MYO18B: variants seen among roughly 807,000 people sequenced by gnomAD.
MYO18B encodes the protein myosin XVIIIB.
MYO18B carries 204 observed loss-of-function variants against 273.0 expected under a neutral mutation model. That is an observed-to-expected ratio of 0.75 (90% CI 0.67 to 0.84). MYO18B has a LOEUF of 0.84. MYO18B is among the 40% of genes least tolerant of loss of function. The pLI is 0.00. For synonymous variants in MYO18B, 1,330 were observed against 1,305.7 expected (o/e 1.02, Z -0.40); for missense variants, 3,212 against 3,287.6 (o/e 0.98, Z 0.56).
chr22:26,034,831 C>T (rs1344710986), downstream of MYO18B, among the ~76,000 whole-genome samples: 1 of 152,160 alleles, frequency 6.6e-6, no homozygotes, highest in Admixed American at 6.5e-5. Context: ...AGTGAGTTTT[C>T]CAAAGGCACT....
At chr22:26,003,355 C>A in intron 41 of MYO18B, 46 bp downstream of exon 41, 1 of 1,543,658 alleles carries the variant, frequency 6.5e-7, no homozygotes, top group East Asian at 2.3e-5. Context: ...AGGGTGAGCC[C>A]CTGGCTCTCT....
the MYO18B span, among the ~76,000 whole-genome samples, chr22:26,059,427 G>A: frequency 6.6e-6 from 1 of 152,204 alleles, no homozygotes; most frequent in African/African-American, 2.4e-5. Flanking sequence ...GCCAGGATAA[G>A]CATTTCCACT....
chr22:25,879,946 C>T (rs2091294078), intron 25 of MYO18B, among the ~76,000 whole-genome samples: 1 of 152,142 alleles, frequency 6.6e-6, no homozygotes, highest in Non-Finnish European at 1.5e-5. Context: ...ATCACTAGAA[C>T]AGCAAGGGGG....
intron 17 of MYO18B, among the ~76,000 whole-genome samples, chr22:25,837,175 A>G (rs559999220): frequency 6.6e-6 from 1 of 152,082 alleles, no homozygotes; most frequent in Admixed American, 6.5e-5. Flanking sequence ...CAGAGAAGAG[A>G]CAGTAAGGCA....
intron 34 of MYO18B, among the ~76,000 whole-genome samples, chr22:25,933,427 G>A (rs1325545638): frequency 6.6e-6 from 1 of 152,126 alleles, no homozygotes; most frequent in Non-Finnish European, 1.5e-5. Context: ...TGAACCAAAT[G>A]CCAGTGTGAG....
intron 42 of MYO18B, among the ~76,000 whole-genome samples, chr22:26,021,745 G>T (rs1290216421): frequency 1.3e-5 from 2 of 152,338 alleles, no homozygotes; most frequent in Middle Eastern, 3.4e-3. Context: ...TGCCAGCTGT[G>T]TGTGCTTGCA....
At chr22:25,871,907 A>C (rs989938289) in intron 22 of MYO18B, among the ~76,000 whole-genome samples, 1 of 152,224 alleles carries the variant, frequency 6.6e-6, no homozygotes, top group South Asian at 2.1e-4. Context: ...CTTCATAATC[A>C]ATAGTGGTTT....
rs1440914831 is a variant in MYO18B at position 25,920,930 on chromosome 22, G to A, written c.5365-327G>A. The stretch of plus-strand genomic sequence containing the variant: ...AGGTGAGGTCACACTGATGACTTGC[G>A]TGCAAGAGATGGGATGACAGAGTGG... On this transcript the variant is annotated intron_variant, in intron 33 of 43. Transcript: ENST00000335473. Among the ~76,000 whole-genome samples the A allele has an allele frequency of 2.6e-5, 4 of 152,180 alleles. No homozygotes were observed. The East Asian group carries it at 5.8e-4, about 22-fold the overall frequency.
intron 11 of MYO18B, among the ~76,000 whole-genome samples, chr22:25,786,793 A>G (rs1429070418): frequency 1.3e-5 from 2 of 152,262 alleles, no homozygotes; most frequent in Non-Finnish European, 2.9e-5. Flanking sequence ...AAGGATTTTT[A>G]TCTAGAATAT....
At chr22:26,022,467 G>A (rs1241680739) in intron 42 of MYO18B, among the ~76,000 whole-genome samples, 1 of 152,138 alleles carries the variant, frequency 6.6e-6, no homozygotes, top group African/African-American at 2.4e-5. Flanking sequence ...AGAAGTGGAT[G>A]CAAGGAACTT....
chr22:25,932,406 TC>T (rs2092517320), intron 34 of MYO18B, among the ~76,000 whole-genome samples: 145 of 144,130 alleles, frequency 1.0e-3, no homozygotes, highest in Non-Finnish European at 1.6e-3. Context: ...TTTTTTCTTT[TC>T]TTTCTTTTTT....
chr22:25,870,965 C>A (rs2091030710), intron 22 of MYO18B, among the ~76,000 whole-genome samples: 1 of 152,126 alleles, frequency 6.6e-6, no homozygotes, highest in Non-Finnish European at 1.5e-5. Flanking sequence ...AGTCTGTACA[C>A]CTAAACATTC....
intron 25 of MYO18B, chr22:25,884,940 C>T (rs2091453568): frequency 6.6e-6 from 1 of 151,956 alleles, no homozygotes; most frequent in Non-Finnish European, 1.5e-5. Context: ...TCTAGCAAGC[C>T]ACATCACCAC....
chr22:25,950,526 G>GTATGTGTGTGTGTGTGTA, intron 37 of MYO18B, 76 bp downstream of exon 37: 2 of 661,226 alleles, frequency 3.0e-6, no homozygotes, highest in Non-Finnish European at 5.1e-6. Context: ...GGATGTGTGT[G>GTATGTGTGTGTGTGTGTA]TGTGTGTGTG....
intron 39 of MYO18B, among the ~76,000 whole-genome samples, chr22:25,967,081 C>G (rs564858635): frequency 2.6e-5 from 4 of 152,252 alleles, no homozygotes; most frequent in African/African-American, 9.6e-5. Context: ...ACAAATAATG[C>G]GCTGAGGCTC....
At chr22:25,961,044 G>C (rs973597270) in intron 39 of MYO18B, among the ~76,000 whole-genome samples, 7 of 151,876 alleles carry the variant, frequency 4.6e-5, no homozygotes, top group African/African-American at 1.7e-4. Context: ...AAGGAATTAA[G>C]GAAGGAAGGA....
chr22:25,839,627 G>A (rs9624917), intron 17 of MYO18B, among the ~76,000 whole-genome samples: 50,764 of 152,090 alleles, frequency 0.33, 9,282 homozygotes, highest in Non-Finnish European at 0.41. Flanking sequence ...CAGGGCTAGC[G>A]CTGAACCTGG....
chr22:25,901,287 A>G (rs959805386), intron 29 of MYO18B: 1 of 152,270 alleles, frequency 6.6e-6, no homozygotes, highest in African/African-American at 2.4e-5. Context: ...CACTTCTGCC[A>G]TATCAAGATC....
chr22:25,802,678 G>A (rs981292769), intron 12 of MYO18B, among the ~76,000 whole-genome samples: 15 of 150,748 alleles, frequency 1.0e-4, no homozygotes, highest in Non-Finnish European at 2.1e-4. Flanking sequence ...GCGTGAACCC[G>A]GGAGGCAGAG....
Sources: allele counts gnomAD v4.1 joint callset (sites outside exome capture counted in the v4.1 genomes callset), GRCh38; gene constraint gnomAD v4.1.1; transcripts MANE v1.5; gene names NCBI Gene and HGNC (gene_info 2026-07-23, HGNC 2026-07-21).